The following STS variants were observed in gnomAD, a reference collection of about 807,000 sequenced individuals.
STS encodes the protein steryl-sulfatase.
In STS, 7 loss-of-function variants were observed where a neutral mutation model predicts 26.8. The ratio of observed to expected loss-of-function variants is 0.26; its 90% CI spans 0.15 to 0.49. STS has a LOEUF of 0.49. Among genes scored for constraint, STS ranks in the 20% least tolerant of loss-of-function variants. STS has a pLI of 0.98. For missense variants in STS, 434 were observed against 465.6 expected (o/e 0.93, Z 0.63); for synonymous variants, 199 against 189.4 (o/e 1.05, Z -0.42).
At chrX:7,212,345 C>T (rs1314284741) in intron 2 of STS, among the ~76,000 whole-genome samples, 1 of 110,863 alleles carries the variant, frequency 9.0e-6, no homozygotes, top group African/African-American at 3.3e-5. Context: ...GTGGCACGCA[C>T]CTGTAATCCC....
At chrX:7,225,142 C>A (rs1921744992) in intron 2 of STS, among the ~76,000 whole-genome samples, 1 of 111,957 alleles carries the variant, frequency 8.9e-6, no homozygotes, top group African/African-American at 3.3e-5. Flanking sequence ...ATGTGACTCC[C>A]AGCTATGAAT....
At position 7,320,635 on chromosome X, in the gene STS, C is replaced by T. The variant is rs893810144; in HGVS notation, c.1082-4704C>T. Among the ~76,000 whole-genome samples the T allele has an allele frequency of 5.4e-5, 6 of 111,533 alleles. No homozygotes were observed. In the Admixed American group the frequency reaches 5.8e-4, roughly 11 times the overall value. ...TGAAAATTTTATGAGTTTGATGGAA[C>T]AGAAGGAAAACTAGACAGTAATTCA... On this transcript the variant is annotated intron_variant, in intron 8 of 10. Transcript: ENST00000674429.
At chrX:7,227,265 T>A (rs1921851999) in intron 2 of STS, among the ~76,000 whole-genome samples, 1 of 111,777 alleles carries the variant, frequency 8.9e-6, no homozygotes, top group Admixed American at 9.5e-5. Flanking sequence ...CCTTAATTTT[T>A]AAAAAATTGA....
intron 1 of STS, among the ~76,000 whole-genome samples, chrX:7,150,753 AC>A (rs1196421409): frequency 9.0e-6 from 1 of 111,478 alleles, no homozygotes; most frequent in African/African-American, 3.3e-5. Flanking sequence ...AAAAAAAAAA[AC>A]AAACTGAATG....
chrX:7,198,208 G>GT (rs1489747501), intron 2 of STS, among the ~76,000 whole-genome samples: 6 of 110,811 alleles, frequency 5.4e-5, no homozygotes, highest in African/African-American at 1.3e-4. Context: ...TGGAGACTGA[G>GT]TTTTTTTTAA....
intron 2 of STS, among the ~76,000 whole-genome samples, chrX:7,204,242 C>T (rs933449812): frequency 3.6e-5 from 4 of 111,734 alleles, no homozygotes; most frequent in Non-Finnish European, 5.6e-5. Context: ...TTCAAGTCTC[C>T]TACTTCTTAA....
rs1372951352 is a variant in STS at position 7,259,272 on chromosome X, A to G, written c.383-77A>G. ...AATAGTCAGAAAGAACCTCCTTTTC[A>G]GCATGTAGGAACAGAAGCTTGGATT... On this transcript the variant is annotated intron_variant, in intron 5 of 10. Coordinates refer to ENST00000674429, the MANE Select transcript of STS (RefSeq NM_001320752.2). The G allele has an allele frequency of 4.0e-6, 4 of 994,767 alleles. No individual in the cohort carries two copies. In the African/African-American group the frequency reaches 7.5e-5, roughly 19 times the overall value. The allele number at this position is 994,767 out of a possible 1,213,427, so 82.0% of individuals were successfully genotyped here.
At chrX:7,207,612 C>G (rs1371102454) in intron 2 of STS, among the ~76,000 whole-genome samples, 2 of 111,643 alleles carry the variant, frequency 1.8e-5, no homozygotes, top group African/African-American at 6.5e-5. Context: ...GAAGGTTTCA[C>G]CATATAGTAC....
At chrX:7,290,330 G>T (rs1476155533) in intron 7 of STS, among the ~76,000 whole-genome samples, 1 of 111,194 alleles carries the variant, frequency 9.0e-6, no homozygotes, top group African/African-American at 3.3e-5. Context: ...GTGTCCTGTT[G>T]TCACGCTGCC....
At position 7,216,611 on chromosome X, in the gene STS, C is replaced by T. The variant is rs1158762951; in HGVS notation, c.-5+25603C>T. 2.7e-5 allele frequency among the ~76,000 whole-genome samples: 3 copies of T among 111,878 alleles called. No homozygotes were observed. The Admixed American group carries it at 2.9e-4, about 11-fold the overall frequency. On this transcript the variant is annotated intron_variant, in intron 2 of 10. Transcript: ENST00000674429. Reference sequence around the variant, plus strand: ...TAGACAGTAGATGAGAAAACATTTGCTCTGAGGCCAGACTGTTCCCAGGAG... The same window carrying T: ...TAGACAGTAGATGAGAAAACATTTGTTCTGAGGCCAGACTGTTCCCAGGAG...
intron 2 of STS, among the ~76,000 whole-genome samples, chrX:7,241,984 G>A (rs1922641262): frequency 9.0e-6 from 1 of 110,977 alleles, no homozygotes; most frequent in Admixed American, 9.7e-5. Context: ...TTATAACATG[G>A]GTCTCTCCAC....
In STS at chrX:7,325,504, C is replaced by G; in HGVS notation, c.1241+6C>G. The G allele has an allele frequency of 8.3e-7, 1 of 1,210,628 alleles. No individual in the cohort carries two copies. Among genetic ancestry groups the G allele is most frequent in the Non-Finnish European group, 1.1e-6 (1 of 895,065 alleles). On this transcript the variant is annotated splice_donor_region_variant and intron_variant, in intron 9 of 10. Coordinates refer to ENST00000674429, the MANE Select transcript of STS (RefSeq NM_001320752.2). The stretch of plus-strand genomic sequence containing the variant: ...GCTCCCTTGCCTGAGGACAGGTACT[C>G]TGATGCCAGGGTGGTTGGTATTGTT...
At chrX:7,340,304 C>G (rs181571354) in intron 10 of STS, among the ~76,000 whole-genome samples, 1 of 111,762 alleles carries the variant, frequency 8.9e-6, no homozygotes, top group Non-Finnish European at 1.9e-5. Flanking sequence ...TCTAACCCCC[C>G]GCCAGATTTG....
chrX:7,208,880 TC>T (rs376887744), intron 2 of STS, among the ~76,000 whole-genome samples: 6 of 111,661 alleles, frequency 5.4e-5, no homozygotes, highest in African/African-American at 1.6e-4. Context: ...TCTTGCCTTC[TC>T]TGGCTTCTAG....
At chrX:7,298,679 G>A (rs1925779806) in intron 7 of STS, among the ~76,000 whole-genome samples, 1 of 110,549 alleles carries the variant, frequency 9.0e-6, no homozygotes, top group African/African-American at 3.3e-5. Flanking sequence ...ATTTTATATG[G>A]CCAGCAGAGA....
intron 7 of STS, among the ~76,000 whole-genome samples, chrX:7,292,333 G>A (rs764145322): frequency 8.9e-6 from 1 of 112,274 alleles, no homozygotes; most frequent in East Asian, 2.8e-4. Flanking sequence ...GACAGGAGTG[G>A]GTCTTGCTCA....
chrX:7,196,702 C>A (rs779607469), intron 2 of STS, among the ~76,000 whole-genome samples: 57 of 111,760 alleles, frequency 5.1e-4, no homozygotes, highest in Non-Finnish European at 9.8e-4. Flanking sequence ...ACAATCTGAG[C>A]TGTCTTTCAT....
chrX:7,167,441 C>T (rs1900287226), intron 1 of STS, among the ~76,000 whole-genome samples: 1 of 111,420 alleles, frequency 9.0e-6, no homozygotes, highest in South Asian at 3.8e-4. Flanking sequence ...GTCTCGAACT[C>T]CTGACCTCAA....
At chrX:7,287,885 T>C (rs1356940241) in intron 7 of STS, among the ~76,000 whole-genome samples, 1 of 110,639 alleles carries the variant, frequency 9.0e-6, no homozygotes, top group African/African-American at 3.3e-5. Flanking sequence ...AGGATACCCA[T>C]TGATAATCAA....
Sources: allele counts gnomAD v4.1 joint callset (sites outside exome capture counted in the v4.1 genomes callset), GRCh38; gene constraint gnomAD v4.1.1; transcripts MANE v1.5; gene names NCBI Gene and HGNC (gene_info 2026-07-23, HGNC 2026-07-21).